Variants in ATF6 observed in about 807,000 individuals in gnomAD.
ATF6 encodes cyclic AMP-dependent transcription factor ATF-6 alpha.
Under a neutral mutation model 83.6 loss-of-function variants are expected in ATF6, and 53 were observed. The observed-to-expected ratio is 0.63, with a 90% CI of 0.51 to 0.80. The LOEUF (loss-of-function observed/expected upper bound fraction) is 0.80. ATF6 is among the 30% of genes least tolerant of loss of function. The probability of loss-of-function intolerance (pLI) is 0.00; values close to 1 mark genes in which losing one functional copy is unlikely to be tolerated. For synonymous variants in ATF6, 288 were observed against 285.8 expected, an observed-to-expected ratio of 1.01 and a Z score of -0.08; for missense variants, 744 against 797.9, an observed-to-expected ratio of 0.93 and a Z score of 0.81.
At chr1:161,791,698 A>G (rs1684885235) in intron 5 of ATF6, among the ~76,000 whole-genome samples, 161 bp downstream of exon 5, 1 of 152,110 alleles carries the variant, frequency 6.6e-6, no homozygotes, top group Non-Finnish European at 1.5e-5. Context: ...TACCGTGGAG[A>G]GGAAAGGGGA....
intron 14 of ATF6, among the ~76,000 whole-genome samples, chr1:161,888,183 A>G (rs930269960): frequency 1.2e-4 from 18 of 152,246 alleles, no homozygotes; most frequent in African/African-American, 1.9e-4. Context: ...AAAGAAAATA[A>G]TTCCATATAA....
At position 161,766,348 on chromosome 1, in the gene ATF6, A is replaced by G. The variant is rs1684258219; in HGVS notation, c.-13A>G. ...TATTAATCACGGAGTTCCAGGGAGA[A>G]GGAACTTGTGAAATGGGGGAGCCGG... On this transcript the variant is annotated 5_prime_UTR_variant, in exon 1 of 16. Transcript: ENST00000367942. 3 of 1,611,856 alleles carry G rather than the reference A, an allele frequency of 1.9e-6. No homozygotes were observed. Among genetic ancestry groups the G allele is most frequent in the South Asian group, 1.1e-5 (1 of 90,814 alleles).
In ATF6 at chr1:161,846,590, C is replaced by T. The variant is rs1479652143; in HGVS notation, c.1319+10C>T. The T allele has an allele frequency of 6.3e-7, 1 of 1,593,956 alleles. No individual in the cohort carries two copies. Among genetic ancestry groups the T allele is most frequent in the South Asian group, 1.1e-5 (1 of 88,244 alleles). On this transcript the variant is annotated intron_variant, in intron 10 of 15. Coordinates refer to ENST00000367942, the MANE Select transcript of ATF6 (RefSeq NM_007348.4). ...AGAAAAACAGCTACAGGTAAGATGG[C>T]ATGCATCTATCTTTTGGCCTAAGTG...
At chr1:161,779,986 C>T (rs750308460) in intron 2 of ATF6, among the ~76,000 whole-genome samples, 1 of 152,142 alleles carries the variant, frequency 6.6e-6, no homozygotes. Context: ...GGTCCACCCA[C>T]CTCGGCCTCC....
chr1:161,791,494 A>C lies in ATF6; in HGVS notation c.441A>C (p.Pro147=), dbSNP rs1354561138. The change falls in exon 5 of 16, where the codon CCA becomes CCC. Residue 147 remains proline (P), a synonymous_variant. Coordinates refer to ENST00000367942, the MANE Select transcript of ATF6 (RefSeq NM_007348.4). ...CTAATAGTCTCTCTTCAGCGGAGCC[A>C]CTGAAGGAAGATAAGCCTGTCACTG... is the stretch of plus-strand genomic sequence containing the variant. ...ENSNSLSSAE[P]LKEDKPVTGP... is the part of the protein sequence containing the mutation. 3 of 1,612,476 alleles carry C rather than the reference A, an allele frequency of 1.9e-6. No individual in the cohort carries two copies. Among genetic ancestry groups the C allele is most frequent in the Non-Finnish European group, 2.5e-6 (3 of 1,179,400 alleles).
In ATF6 at chr1:161,933,905, C is replaced by T. The variant is rs142817881; in HGVS notation, c.1804+21525C>T. 3.1e-3 allele frequency among the ~76,000 whole-genome samples: 470 copies of T among 152,314 alleles called. 2 individuals carry two copies. The highest frequency in any genetic ancestry group is 0.011 in the African/African-American group (460 of 41,578). On this transcript the variant is annotated intron_variant, in intron 15 of 15. Transcript: ENST00000367942. ...CTCTTACCCAGATCGTTACATGGCT[C>T]GCTTCACTTCATTTACTTCTCTGCT...
Position 161,833,604 on chromosome 1 carries a change from C to T in ATF6, c.1187+12443C>T, listed in dbSNP as rs1048687317. Among the ~76,000 whole-genome samples, 15 of 152,018 alleles carry T rather than the reference C, an allele frequency of 9.9e-5. No individual in the cohort carries two copies. In the South Asian group the frequency reaches 2.9e-3, roughly 29 times the overall value. ...AAACCATGGCACGAGAACTATGTGA[C>T]GAATGCACAAGCCTCAGTAACCAAT... is the stretch of plus-strand genomic sequence containing the variant. On this transcript the variant is annotated intron_variant, in intron 9 of 15. Transcript: ENST00000367942.
In ATF6 at chr1:161,958,705, G is replaced by A. The variant is rs1195143544; in HGVS notation, c.*51G>A. 9.6e-6 allele frequency: 14 copies of A among 1,463,734 alleles called. No homozygotes were observed. Among genetic ancestry groups the A allele is most frequent in the Non-Finnish European group, 1.3e-5 (14 of 1,084,816 alleles). 90.7% of individuals were successfully genotyped at this position (1,463,734 alleles called of 1,614,324 possible). A position where few individuals can be genotyped will look rare whatever the true frequency, so the allele number is the denominator to read the frequency against. The stretch of plus-strand genomic sequence containing the variant: ...GAGCGTGGGACCCTGCCAGACTGAA[G>A]AGCAGGTGAGCAAAATGCTGCTTTC... On this transcript the variant is annotated 3_prime_UTR_variant, in exon 16 of 16. Coordinates refer to ENST00000367942, the MANE Select transcript of ATF6 (RefSeq NM_007348.4).
At chr1:161,917,422 AT>A (rs10715065) in intron 15 of ATF6, among the ~76,000 whole-genome samples, 101,537 of 142,336 alleles carry the variant, frequency 0.71, 36,111 homozygotes, top group Non-Finnish European at 0.77. Context: ...TTTATACACA[AT>A]TTTTTTTTTT....
intron 14 of ATF6, among the ~76,000 whole-genome samples, chr1:161,877,420 C>G (rs1687238998): frequency 6.6e-6 from 1 of 151,938 alleles, no homozygotes; most frequent in Admixed American, 6.6e-5. Flanking sequence ...GGGGGGAATT[C>G]AAGGATTCCA....
chr1:161,849,725 A>T (rs1417972639), intron 10 of ATF6, among the ~76,000 whole-genome samples: 3 of 152,048 alleles, frequency 2.0e-5, no homozygotes, highest in Non-Finnish European at 4.4e-5. Context: ...TGCACAGTTC[A>T]TATCTATATG....
rs551183811 is a variant in ATF6, at chr1:161,884,673, G to A, written c.1719+21361G>A. ...TACAAGGACTCCAGCAATGAGCAAA[G>A]CAAACAAGCCCTTGCTTTTCCAGAG... On this transcript the variant is annotated intron_variant, in intron 14 of 15. Coordinates refer to ENST00000367942, the MANE Select transcript of ATF6 (RefSeq NM_007348.4). 1.4e-3 allele frequency among the ~76,000 whole-genome samples: 206 copies of A among 152,208 alleles called. 6 individuals are homozygous for A. The South Asian group carries it at 0.041, about 31-fold the overall frequency.
intron 9 of ATF6, among the ~76,000 whole-genome samples, chr1:161,843,881 T>G (rs1686414824): frequency 6.6e-6 from 1 of 152,158 alleles, no homozygotes; most frequent in Admixed American, 6.5e-5. Flanking sequence ...AGCCTAAAAG[T>G]TCTTGATTGA....
At chr1:161,830,710 A>T (rs1185063345) in intron 9 of ATF6, among the ~76,000 whole-genome samples, 1 of 152,244 alleles carries the variant, frequency 6.6e-6, no homozygotes, top group African/African-American at 2.4e-5. Flanking sequence ...GGATTCCCTA[A>T]GTAATAAATG....
rs1257586886 is a variant in ATF6, at chr1:161,962,706, T to G, written c.*4052T>G. On this transcript the variant is annotated 3_prime_UTR_variant, in exon 16 of 16. Coordinates refer to ENST00000367942, the MANE Select transcript of ATF6 (RefSeq NM_007348.4). ...GGAAATTTTCCAGCCATGAAAGCCC[T>G]CTTTCCACTGCATACTGATGGGCTG... The G allele has an allele frequency of 6.6e-6, 1 of 152,206 alleles. No individual in the cohort carries two copies. Among genetic ancestry groups the G allele is most frequent in the Admixed American group, 6.5e-5 (1 of 15,294 alleles). 9.4% of individuals were successfully genotyped at this position (152,206 alleles called of 1,614,324 possible).
intron 15 of ATF6, among the ~76,000 whole-genome samples, chr1:161,941,495 C>T (rs1326913366): frequency 6.6e-6 from 1 of 152,152 alleles, no homozygotes; most frequent in Non-Finnish European, 1.5e-5. Flanking sequence ...TTTAAAAAAT[C>T]CCAAGAAAGG....
intron 7 of ATF6, among the ~76,000 whole-genome samples, chr1:161,812,238 A>G (rs915193769): frequency 5.9e-5 from 9 of 151,894 alleles, no homozygotes; most frequent in African/African-American, 1.9e-4. Flanking sequence ...AGGAATGTTA[A>G]GTTTTAGGCT....
At chr1:161,883,889 A>G (rs1028151758) in intron 14 of ATF6, among the ~76,000 whole-genome samples, 4 of 152,056 alleles carry the variant, frequency 2.6e-5, no homozygotes, top group Non-Finnish European at 5.9e-5. Context: ...TTGAATTCAG[A>G]TTATAAAATA....
At chr1:161,907,322 G>A (rs1208346328) in intron 14 of ATF6, among the ~76,000 whole-genome samples, 1 of 152,166 alleles carries the variant, frequency 6.6e-6, no homozygotes, top group Non-Finnish European at 1.5e-5. Flanking sequence ...TTAATACAAA[G>A]CTGTTTTTGA....
Sources: gnomAD v4.1 joint callset for allele counts (sites outside exome capture counted in the v4.1 genomes callset) on GRCh38, gnomAD v4.1.1 for gene constraint, MANE v1.5 for transcripts, NCBI Gene and HGNC (gene_info 2026-07-23, HGNC 2026-07-21) for gene names.